The following PRIM2 variants were observed in gnomAD, a reference collection of about 807,000 sequenced individuals.
PRIM2 encodes DNA primase large subunit.
In PRIM2, 39 loss-of-function variants were observed where a neutral mutation model predicts 67.3. The ratio of observed to expected loss-of-function variants is 0.58; its 90% CI spans 0.45 to 0.76. The LOEUF (loss-of-function observed/expected upper bound fraction) is 0.76. Among genes scored for constraint, PRIM2 ranks in the 30% least tolerant of loss-of-function variants. PRIM2 has a pLI of 0.00. For missense variants in PRIM2, 398 were observed against 598.7 expected, an observed-to-expected ratio of 0.66 and a Z score of 3.50; for synonymous variants, 143 against 198.7, an observed-to-expected ratio of 0.72 and a Z score of 2.36.
intron 8 of PRIM2, among the ~76,000 whole-genome samples, chr6:57,525,234 C>T (rs1554349259): frequency 2.0e-5 from 3 of 152,156 alleles, no homozygotes; most frequent in Admixed American, 6.5e-5. Context: ...ATGCTACGCC[C>T]TTATCACATT....
Position 57,319,265 on chromosome 6 carries a change from G to T in PRIM2, c.154+666G>T, listed in dbSNP as rs76213762. On this transcript the variant is annotated intron_variant, in intron 2 of 13. Coordinates refer to ENST00000615550, the MANE Select transcript of PRIM2 (RefSeq NM_000947.5). ...TAAGAAGGATGTGGCCACCGTCCTG[G>T]GGGCCTACTTAATCCTCAGTGTGTT... Among the ~76,000 whole-genome samples, 766 of 152,310 alleles carry T rather than the reference G, an allele frequency of 5.0e-3. 9 individuals are homozygous for T. Among genetic ancestry groups the T allele is most frequent in the African/African-American group, 0.017 (726 of 41,560 alleles).
At chr6:57,224,900 AAG>A in the PRIM2 span, among the ~76,000 whole-genome samples, 7 of 152,216 alleles carry the variant, frequency 4.6e-5, no homozygotes, top group Non-Finnish European at 8.8e-5. Flanking sequence ...TTCTGCCTAA[AAG>A]CAGGACATAA....
At chr6:57,501,303 T>C (rs1392875088) in intron 7 of PRIM2, among the ~76,000 whole-genome samples, 7 of 152,186 alleles carry the variant, frequency 4.6e-5, no homozygotes, top group Non-Finnish European at 8.8e-5. Flanking sequence ...TTTCAGTTTT[T>C]TTTTCTTTTT....
chr6:57,590,067 C>T (rs1271111767), intron 10 of PRIM2, among the ~76,000 whole-genome samples: 8 of 152,276 alleles, frequency 5.3e-5, no homozygotes, highest in African/African-American at 1.9e-4. Flanking sequence ...TGAGTAGATG[C>T]CTTTCAAACA....
the PRIM2 span, among the ~76,000 whole-genome samples, chr6:57,270,116 T>C: frequency 6.6e-6 from 1 of 152,026 alleles, no homozygotes; most frequent in African/African-American, 2.4e-5. Flanking sequence ...CGATGCGGGC[T>C]CTTTTTTGGT....
At chr6:57,576,708 A>G (rs1472716548) in intron 10 of PRIM2, among the ~76,000 whole-genome samples, 3 of 150,882 alleles carry the variant, frequency 2.0e-5, no homozygotes, top group Admixed American at 6.6e-5. Context: ...AGATATTTCT[A>G]TAGGGTTTGA....
the PRIM2 span, among the ~76,000 whole-genome samples, chr6:57,222,500 C>G: frequency 2.0e-5 from 3 of 152,234 alleles, no homozygotes; most frequent in African/African-American, 7.2e-5. Flanking sequence ...CAATGACGGT[C>G]CGCATGAGTT....
the PRIM2 span, among the ~76,000 whole-genome samples, chr6:57,258,140 T>G: frequency 6.6e-6 from 1 of 152,196 alleles, no homozygotes; most frequent in Non-Finnish European, 1.5e-5. Context: ...AAACAAGACA[T>G]TCGACTGTGA....
intron 7 of PRIM2, chr6:57,505,335 G>T (rs1271397746): frequency 1.3e-5 from 2 of 152,174 alleles, no homozygotes; most frequent in Non-Finnish European, 2.9e-5. Flanking sequence ...AAAGTAAGTT[G>T]GAGGTGGGAA....
At chr6:57,590,491 G>A (rs1194959312) in intron 10 of PRIM2, among the ~76,000 whole-genome samples, 104 of 152,238 alleles carry the variant, frequency 6.8e-4, no homozygotes, top group African/African-American at 2.5e-3. Flanking sequence ...CAGGGATGGG[G>A]GTCAGTGGAT....
At chr6:57,231,873 G>C in the PRIM2 span, among the ~76,000 whole-genome samples, 2 of 150,448 alleles carry the variant, frequency 1.3e-5, no homozygotes, top group Admixed American at 1.3e-4. Context: ...AAAACCACTA[G>C]TACAATGAAC....
chr6:57,314,309 G>A (rs555763428), upstream of PRIM2, among the ~76,000 whole-genome samples: 120 of 152,342 alleles, frequency 7.9e-4, no homozygotes, highest in Non-Finnish European at 1.2e-3. Flanking sequence ...GAGGTCAGGA[G>A]TCTGAGACCA....
At chr6:57,570,359 C>T (rs1456160829) in intron 10 of PRIM2, among the ~76,000 whole-genome samples, 1 of 152,184 alleles carries the variant, frequency 6.6e-6, no homozygotes, top group Non-Finnish European at 1.5e-5. Context: ...TGAGCTTTAT[C>T]ATTTCTTTTG....
intron 5 of PRIM2, among the ~76,000 whole-genome samples, chr6:57,351,559 G>A (rs1188023011): frequency 6.6e-6 from 1 of 152,092 alleles, no homozygotes; most frequent in Non-Finnish European, 1.5e-5. Context: ...AGACTTGATG[G>A]CTAATGGAAT....
chr6:57,376,831 C>G (rs1769779618), intron 5 of PRIM2, among the ~76,000 whole-genome samples: 1 of 152,034 alleles, frequency 6.6e-6, no homozygotes, highest in Non-Finnish European at 1.5e-5. Context: ...TTAAAAAATT[C>G]CCTTACTGAA....
chr6:57,271,713 T>C, the PRIM2 span, among the ~76,000 whole-genome samples: 8 of 152,228 alleles, frequency 5.3e-5, no homozygotes, highest in Non-Finnish European at 1.0e-4. Context: ...CTTTTAATTG[T>C]GATGTTAGGG....
chr6:57,257,011 A>G, the PRIM2 span, among the ~76,000 whole-genome samples: 1 of 152,172 alleles, frequency 6.6e-6, no homozygotes, highest in Non-Finnish European at 1.5e-5. Flanking sequence ...TAATTGGCCA[A>G]ATTAATTCTG....
intron 7 of PRIM2, among the ~76,000 whole-genome samples, chr6:57,417,798 C>A (rs1455941024): frequency 6.6e-5 from 10 of 152,162 alleles, no homozygotes; most frequent in Non-Finnish European, 1.2e-4. Flanking sequence ...AAAAATGCAG[C>A]CCATTGTCTA....
intron 10 of PRIM2, among the ~76,000 whole-genome samples, chr6:57,563,811 C>A (rs1294386174): frequency 6.6e-6 from 1 of 152,168 alleles, no homozygotes; most frequent in Non-Finnish European, 1.5e-5. Context: ...CAGGCACACG[C>A]CACCATGCCT....
Sources: allele counts gnomAD v4.1 joint callset (sites outside exome capture counted in the v4.1 genomes callset), GRCh38; gene constraint gnomAD v4.1.1; transcripts MANE v1.5; gene names NCBI Gene and HGNC (gene_info 2026-07-23, HGNC 2026-07-21).